Variants in KHDRBS2 observed in about 807,000 individuals in gnomAD.
KHDRBS2 encodes the protein KH domain-containing, RNA-binding, signal transduction-associated protein 2.
A neutral mutation model predicts 44.3 loss-of-function variants in KHDRBS2; 26 were observed. The ratio of observed to expected loss-of-function variants is 0.59; its 90% CI spans 0.43 to 0.81. The LOEUF is 0.81. Among genes scored for constraint, KHDRBS2 ranks in the 40% least tolerant of loss-of-function variants. The probability of loss-of-function intolerance (pLI) is 0.00; values close to 1 mark genes in which losing one functional copy is unlikely to be tolerated. For missense variants in KHDRBS2, 476 were observed against 433.1 expected (o/e 1.10, Z -0.88); for synonymous variants, 194 against 151.1 (o/e 1.28, Z -2.08).
intron 6 of KHDRBS2, among the ~76,000 whole-genome samples, chr6:61,793,001 C>T (rs1356377405): frequency 1.3e-5 from 2 of 151,826 alleles, no homozygotes; most frequent in Non-Finnish European, 2.9e-5. Flanking sequence ...GTTTCCTCCA[C>T]TCAATATCAA....
chr6:62,286,144 T>C lies in KHDRBS2; in HGVS notation c.-196A>G, dbSNP rs1182822785. ...GGCTGCGTGGCCCCGCGCCCACACC[T>C]GCCCGTCCCTTCCGTCGTCCCTCGC... On this transcript the variant is annotated 5_prime_UTR_variant, in exon 1 of 9. Coordinates refer to ENST00000281156, the MANE Select transcript of KHDRBS2 (RefSeq NM_152688.4). The C allele has an allele frequency of 5.3e-6, 3 of 561,926 alleles. No individual in the cohort carries two copies. The highest frequency in any genetic ancestry group is 3.5e-5 in the Admixed American group (1 of 28,638). The allele number at this position is 561,926 out of a possible 1,614,324, so 34.8% of individuals were successfully genotyped here.
At chr6:61,615,979 G>C in the KHDRBS2 span, among the ~76,000 whole-genome samples, 1 of 152,252 alleles carries the variant, frequency 6.6e-6, no homozygotes, top group African/African-American at 2.4e-5. Flanking sequence ...CATTAGGGCT[G>C]TTCCAAGTAT....
At chr6:61,776,853 G>A (rs540373677) in intron 6 of KHDRBS2, among the ~76,000 whole-genome samples, 3 of 152,286 alleles carry the variant, frequency 2.0e-5, no homozygotes, top group South Asian at 4.1e-4. Context: ...GTTTATAGTG[G>A]CACTATTCAC....
chr6:62,161,406 T>C (rs373875558), intron 2 of KHDRBS2, among the ~76,000 whole-genome samples: 1 of 151,382 alleles, frequency 6.6e-6, no homozygotes, highest in Admixed American at 6.6e-5. Flanking sequence ...CAATAAAGTA[T>C]AACAATAATT....
At chr6:61,549,363 C>T in the KHDRBS2 span, among the ~76,000 whole-genome samples, 1 of 152,048 alleles carries the variant, frequency 6.6e-6, no homozygotes, top group South Asian at 2.1e-4. Context: ...ACTCAAAGAA[C>T]ATTTATTTAT....
chr6:62,186,150 G>A (rs1297606635), intron 1 of KHDRBS2, among the ~76,000 whole-genome samples: 3 of 151,946 alleles, frequency 2.0e-5, no homozygotes, highest in African/African-American at 7.2e-5. Flanking sequence ...TGCTTTCTAA[G>A]CCTTTTCTAT....
chr6:61,552,933 C>A, the KHDRBS2 span, among the ~76,000 whole-genome samples: 1 of 152,096 alleles, frequency 6.6e-6, no homozygotes, highest in African/African-American at 2.4e-5. Context: ...CATCTATGTT[C>A]ATCAAGGGTA....
At chr6:61,783,740 A>C (rs1363195841) in intron 6 of KHDRBS2, among the ~76,000 whole-genome samples, 1 of 151,998 alleles carries the variant, frequency 6.6e-6, no homozygotes, top group Non-Finnish European at 1.5e-5. Flanking sequence ...AAACTAATTA[A>C]ATTTTTATTT....
the KHDRBS2 span, among the ~76,000 whole-genome samples, chr6:61,623,494 T>C: frequency 6.6e-6 from 1 of 152,182 alleles, no homozygotes; most frequent in African/African-American, 2.4e-5. Flanking sequence ...AGACATACTG[T>C]TGTCCATGGA....
chr6:61,767,395 G>C (rs1392133354), intron 6 of KHDRBS2, among the ~76,000 whole-genome samples: 3 of 151,936 alleles, frequency 2.0e-5, no homozygotes, highest in Non-Finnish European at 4.4e-5. Context: ...ATTTGGTCTT[G>C]TTTTTATTTA....
intron 1 of KHDRBS2, among the ~76,000 whole-genome samples, chr6:62,219,195 AAC>A (rs771584135): frequency 9.2e-5 from 14 of 151,978 alleles, no homozygotes; most frequent in Non-Finnish European, 1.5e-4. Context: ...CTGCAGATGA[AAC>A]ACAGCTAACT....
chr6:62,109,184 G>A (rs956897884), intron 2 of KHDRBS2, among the ~76,000 whole-genome samples: 4 of 151,278 alleles, frequency 2.6e-5, no homozygotes, highest in Non-Finnish European at 5.9e-5. Context: ...TTTACAATTT[G>A]AAAAATAGGC....
the KHDRBS2 span, among the ~76,000 whole-genome samples, chr6:61,545,796 G>T: frequency 2.0e-5 from 3 of 151,964 alleles, no homozygotes; most frequent in South Asian, 2.1e-4. Flanking sequence ...AGGGTGGTAG[G>T]TCTGATGGGA....
At chr6:62,265,890 C>A (rs940908037) in intron 1 of KHDRBS2, among the ~76,000 whole-genome samples, 4 of 152,030 alleles carry the variant, frequency 2.6e-5, no homozygotes, top group African/African-American at 9.7e-5. Flanking sequence ...CTAAAAGCAC[C>A]TTGTATAACC....
intron 2 of KHDRBS2, among the ~76,000 whole-genome samples, chr6:62,114,882 A>T (rs1488065170): frequency 2.0e-5 from 3 of 151,888 alleles, no homozygotes; most frequent in Non-Finnish European, 4.4e-5. Flanking sequence ...ACTTTTTAGA[A>T]ATTTATGTTA....
chr6:61,884,324 T>C (rs1244239054), intron 6 of KHDRBS2, among the ~76,000 whole-genome samples: 1 of 152,088 alleles, frequency 6.6e-6, no homozygotes, highest in Non-Finnish European at 1.5e-5. Context: ...GCATGATTGA[T>C]TATGGAGTCA....
intron 1 of KHDRBS2, among the ~76,000 whole-genome samples, chr6:62,212,158 G>A (rs1385548628): frequency 6.6e-6 from 1 of 152,034 alleles, no homozygotes; most frequent in African/African-American, 2.4e-5. Context: ...TCTAGAGAAA[G>A]GCTAAGTCAA....
At chr6:61,645,405 C>A in the KHDRBS2 span, among the ~76,000 whole-genome samples, 1 of 151,106 alleles carries the variant, frequency 6.6e-6, no homozygotes, top group African/African-American at 2.4e-5. Context: ...ATCTGTACAA[C>A]AAACTCTTGT....
chr6:62,014,270 T>G (rs141586561), intron 3 of KHDRBS2, among the ~76,000 whole-genome samples: 2 of 152,198 alleles, frequency 1.3e-5, no homozygotes, highest in Non-Finnish European at 2.9e-5. Context: ...CAATTACATT[T>G]AAATTTTCTT....
Sources: gnomAD v4.1 joint callset for allele counts (sites outside exome capture counted in the v4.1 genomes callset) on GRCh38, gnomAD v4.1.1 for gene constraint, MANE v1.5 for transcripts, NCBI Gene and HGNC (gene_info 2026-07-23, HGNC 2026-07-21) for gene names.